Variants in ANKAR observed in about 807,000 individuals in gnomAD.
ANKAR encodes ankyrin and armadillo repeat containing.
In ANKAR, 136 loss-of-function variants were observed where a neutral mutation model predicts 146.2. The observed-to-expected ratio is 0.93, with a 90% CI of 0.81 to 1.07. The LOEUF is 1.07. ANKAR is among the 50% of genes least tolerant of loss of function. The pLI is 0.00. For missense variants in ANKAR, 1,567 were observed against 1,679.9 expected (o/e 0.93, Z 1.18); for synonymous variants, 500 against 575.8 (o/e 0.87, Z 1.88).
chr2:189,738,437 A>C, intron 18 of ANKAR, 128 bp from the exon 19 acceptor site: 6 of 597,530 alleles, frequency 1.0e-5, no homozygotes, highest in Non-Finnish European at 1.7e-5. Context: ...CTTCTATTGA[A>C]TCCTCTAAAC....
intron 12 of ANKAR, among the ~76,000 whole-genome samples, 174 bp downstream of exon 12, chr2:189,720,961 A>G (rs1237744531): frequency 1.3e-5 from 2 of 152,182 alleles, no homozygotes; most frequent in Admixed American, 6.5e-5. Context: ...CCTAACTGCT[A>G]AACTATGTAG....
downstream of ANKAR, chr2:189,762,568 T>C (rs949175123): frequency 3.1e-5 from 31 of 984,504 alleles, no homozygotes; most frequent in African/African-American, 5.4e-4. Flanking sequence ...TGAACCCACG[T>C]GACTTGGGTA....
intron 18 of ANKAR, chr2:189,755,069 T>C (rs1169131381): frequency 1.5e-6 from 2 of 1,375,846 alleles, no homozygotes; most frequent in East Asian, 2.4e-5. Context: ...TTTACTAAGA[T>C]AAAATTCAGA....
chr2:189,699,945 C>T (rs1278895425), intron 7 of ANKAR, among the ~76,000 whole-genome samples: 1 of 152,138 alleles, frequency 6.6e-6, no homozygotes, highest in Non-Finnish European at 1.5e-5. Flanking sequence ...AGATTACAGG[C>T]GTGAGCCACT....
chr2:189,737,786 T>C lies in ANKAR; in HGVS notation c.3527T>C (p.Phe1176Ser). 1 of 1,589,594 alleles carries C rather than the reference T, an allele frequency of 6.3e-7. No homozygotes were observed. Among genetic ancestry groups the C allele is most frequent in the Non-Finnish European group, 8.5e-7 (1 of 1,172,656 alleles). Residue 1176 changes from phenylalanine to serine, a missense_variant, in exon 18 of 23, where the codon TTT becomes TCT. Transcript: ENST00000684021. ...LESGIMTISI[F>S]ERFLESTVET... ...AGTGGAATAATGACCATATCTATTT[T>C]TGAACGTTTTCTTGAATCAACAGTT...
At chr2:189,713,191 T>G (rs1056649647) in intron 10 of ANKAR, among the ~76,000 whole-genome samples, 1 of 152,106 alleles carries the variant, frequency 6.6e-6, no homozygotes, top group African/African-American at 2.4e-5. Flanking sequence ...TTGGAAAACA[T>G]TCTTCAGGAT....
chr2:189,689,553 G>C lies in ANKAR; in HGVS notation c.628G>C (p.Asp210His). 6.3e-7 allele frequency: 1 copy of C among 1,598,536 alleles called. No homozygotes were observed. Among genetic ancestry groups the C allele is most frequent in the Non-Finnish European group, 8.5e-7 (1 of 1,173,998 alleles). The change falls in exon 3 of 23, where the codon GAC becomes CAC. Residue 210 changes from aspartate (D) to histidine (H), a missense_variant. Physicochemically the swap from Asp to His is moderately conservative, Grantham distance 81 (BLOSUM62 -1). Coordinates refer to ENST00000684021, the MANE Select transcript of ANKAR (RefSeq NM_001378068.1). ...TTTGACTGATATTACAAAGGATCCA[G>C]ACTTTAATGAAATCTATGATGAAGA... ...AGLTDITKDP[D>H]FNEIYDEDVN...
chr2:189,715,878 A>G (rs901595028), intron 10 of ANKAR, among the ~76,000 whole-genome samples: 2 of 152,272 alleles, frequency 1.3e-5, no homozygotes, highest in Non-Finnish European at 2.9e-5. Flanking sequence ...GCCTTTGACA[A>G]AATTCAACAG....
Position 189,743,405 on chromosome 2 carries a change from C to A in ANKAR, c.3941C>A (p.Ala1314Glu). 6.2e-7 allele frequency: 1 copy of A among 1,613,898 alleles called. No individual in the cohort carries two copies. The highest frequency in any genetic ancestry group is 8.5e-7 in the Non-Finnish European group (1 of 1,179,890). ...ATAAAAAATAATATCAGCAGAGATG[C>A]AAGTATTAACCCAGCATTTTTAAAG... ...IRIKNNISRD[A>E]SINPAFLKEF... Residue 1314 changes from alanine to glutamate, a missense_variant, in exon 21 of 23, where the codon GCA becomes GAA. Coordinates refer to ENST00000684021, the MANE Select transcript of ANKAR (RefSeq NM_001378068.1).
downstream of ANKAR, chr2:189,761,317 G>C (rs1423816550): frequency 8.0e-7 from 1 of 1,251,806 alleles, no homozygotes; most frequent in Non-Finnish European, 1.1e-6. Context: ...TTGCAAAAAG[G>C]AATAAGACAG....
Position 189,696,363 on chromosome 2 carries a change from A to G in ANKAR, c.1702A>G (p.Ser568Gly). The G allele has an allele frequency of 1.9e-6, 3 of 1,612,736 alleles. No homozygotes were observed. The highest frequency in any genetic ancestry group is 2.5e-6 in the Non-Finnish European group (3 of 1,179,610). Reference sequence around the variant, plus strand: ...CAACCAGAGGCGCTTTGTTACGTTCAGCCAAGGTACCATAAAGTTTTTTAA... The same window carrying G: ...CAACCAGAGGCGCTTTGTTACGTTCGGCCAAGGTACCATAAAGTTTTTTAA... ...KVNQRRFVTFSQGPTPLHLAA... is the reference protein window; with the variant it reads ...KVNQRRFVTFGQGPTPLHLAA... Residue 568 changes from serine to glycine, a missense_variant, in exon 7 of 23, where the codon AGC (serine) becomes GGC (glycine). Coordinates refer to ENST00000684021, the MANE Select transcript of ANKAR (RefSeq NM_001378068.1).
chr2:189,715,888 G>A (rs1404132644), intron 10 of ANKAR, among the ~76,000 whole-genome samples: 1 of 152,094 alleles, frequency 6.6e-6, no homozygotes, highest in African/African-American at 2.4e-5. Context: ...AAATTCAACA[G>A]CCCTTCATGC....
chr2:189,718,374 A>ACACG, intron 10 of ANKAR, among the ~76,000 whole-genome samples: 1 of 150,712 alleles, frequency 6.6e-6, no homozygotes, highest in East Asian at 2.0e-4. Flanking sequence ...ACACACACAC[A>ACACG]CACACACACA....
intron 15 of ANKAR, among the ~76,000 whole-genome samples, chr2:189,730,112 G>C (rs185484917): frequency 3.9e-5 from 6 of 152,228 alleles, no homozygotes; most frequent in Admixed American, 1.3e-4. Context: ...TTTTAACTTG[G>C]TGATTTACTC....
intron 10 of ANKAR, among the ~76,000 whole-genome samples, chr2:189,719,045 G>A (rs535783074): frequency 9.9e-5 from 15 of 152,240 alleles, no homozygotes; most frequent in African/African-American, 1.9e-4. Context: ...CACCGCGCCC[G>A]GCCTATTTTC....
At chr2:189,743,190 C>A in intron 20 of ANKAR, 85 bp from the exon 21 acceptor site, 1 of 1,356,422 alleles carries the variant, frequency 7.4e-7, no homozygotes, top group Non-Finnish European at 1.0e-6. Flanking sequence ...CTTACAGAGA[C>A]TTTCCTATGA....
chr2:189,732,772 G>T (rs984338039), intron 16 of ANKAR, among the ~76,000 whole-genome samples: 1 of 147,788 alleles, frequency 6.8e-6, no homozygotes, highest in East Asian at 2.0e-4. Flanking sequence ...AAAATTAAAA[G>T]AACTTTTTTT....
chr2:189,703,855 A>G (rs2038440286), intron 7 of ANKAR, among the ~76,000 whole-genome samples: 1 of 152,156 alleles, frequency 6.6e-6, no homozygotes, highest in South Asian at 2.1e-4. Context: ...ACTGAGAAAT[A>G]AGTAAGATGA....
At chr2:189,732,920 A>G (rs1044253176) in intron 16 of ANKAR, among the ~76,000 whole-genome samples, 187 bp from the exon 17 acceptor site, 1 of 152,136 alleles carries the variant, frequency 6.6e-6, no homozygotes, top group African/African-American at 2.4e-5. Flanking sequence ...TTTCTCAGCT[A>G]TTAAAAATTA....
Sources: gnomAD v4.1 joint callset for allele counts (sites outside exome capture counted in the v4.1 genomes callset) on GRCh38, gnomAD v4.1.1 for gene constraint, MANE v1.5 for transcripts, NCBI Gene and HGNC (gene_info 2026-07-23, HGNC 2026-07-21) for gene names.